EXOC6B: variants seen among roughly 807,000 people sequenced by gnomAD.
EXOC6B encodes exocyst complex component 6B.
EXOC6B carries 54 observed loss-of-function variants against 113.5 expected under a neutral mutation model. The ratio of observed to expected loss-of-function variants is 0.48; its 90% CI spans 0.38 to 0.60. EXOC6B has a LOEUF of 0.60. Among genes scored for constraint, EXOC6B ranks in the 20% least tolerant of loss-of-function variants. EXOC6B has a pLI of 0.00. For synonymous variants in EXOC6B, 357 were observed against 339.0 expected (o/e 1.05, Z -0.58); for missense variants, 797 against 977.5 (o/e 0.82, Z 2.46).
intron 13 of EXOC6B, 52 bp from the exon 14 acceptor site, chr2:72,496,611 G>C: frequency 1.8e-6 from 2 of 1,105,466 alleles, no homozygotes; most frequent in Non-Finnish European, 2.7e-6. Flanking sequence ...AAAGTGGGGG[G>C]GTAGGGGAGG....
intron 1 of EXOC6B, among the ~76,000 whole-genome samples, chr2:72,785,646 G>A (rs1488623153): frequency 6.6e-6 from 1 of 152,238 alleles, no homozygotes; most frequent in Non-Finnish European, 1.5e-5. Context: ...AACCACAACT[G>A]GAGCAGCTGG....
intron 19 of EXOC6B, among the ~76,000 whole-genome samples, chr2:72,359,534 C>T (rs1433028261): frequency 1.3e-5 from 2 of 152,100 alleles, no homozygotes; most frequent in African/African-American, 4.8e-5. Flanking sequence ...ATTACCTAGT[C>T]CCAAGCATTT....
At chr2:72,335,084 C>T (rs1223212693) in intron 19 of EXOC6B, 64 bp from the exon 20 acceptor site, 16 of 1,435,240 alleles carry the variant, frequency 1.1e-5, no homozygotes, top group South Asian at 6.9e-5. Context: ...GATTGGCAGA[C>T]GGATGACAGG....
At chr2:72,211,713 T>C (rs1380568244) in intron 20 of EXOC6B, among the ~76,000 whole-genome samples, 1 of 152,202 alleles carries the variant, frequency 6.6e-6, no homozygotes, top group Non-Finnish European at 1.5e-5. Context: ...ATTTGATATG[T>C]GGTCAGGTAG....
intron 1 of EXOC6B, among the ~76,000 whole-genome samples, chr2:72,797,593 C>A (rs1429042077): frequency 2.0e-5 from 3 of 152,108 alleles, no homozygotes; most frequent in African/African-American, 7.2e-5. Flanking sequence ...GTGGGCAGAT[C>A]ACTTGAGGTT....
At chr2:72,621,667 A>C (rs1671755886) in intron 6 of EXOC6B, among the ~76,000 whole-genome samples, 1 of 152,194 alleles carries the variant, frequency 6.6e-6, no homozygotes, top group Admixed American at 6.5e-5. Context: ...TCCTTTTATA[A>C]AAAGGAGGAC....
chr2:72,204,489 C>T (rs1679701392), intron 20 of EXOC6B, among the ~76,000 whole-genome samples: 2 of 151,820 alleles, frequency 1.3e-5, no homozygotes, highest in South Asian at 4.2e-4. Flanking sequence ...ACAACATATG[C>T]CAAGTTCATT....
intron 16 of EXOC6B, among the ~76,000 whole-genome samples, chr2:72,482,566 A>G (rs1377812453): frequency 6.6e-6 from 1 of 152,184 alleles, no homozygotes; most frequent in Non-Finnish European, 1.5e-5. Context: ...GGTACTACAC[A>G]TGTTTACAAT....
At chr2:72,314,279 ATACTC>A (rs1196285245) in intron 20 of EXOC6B, among the ~76,000 whole-genome samples, 1 of 152,192 alleles carries the variant, frequency 6.6e-6, no homozygotes. Flanking sequence ...ATGTCTCATT[ATACTC>A]TACTCTACTC....
intron 20 of EXOC6B, among the ~76,000 whole-genome samples, chr2:72,268,964 T>C (rs1684311791): frequency 6.6e-6 from 1 of 152,164 alleles, no homozygotes; most frequent in African/African-American, 2.4e-5. Flanking sequence ...TATTTCTTTA[T>C]AGCAATCCAA....
At chr2:72,493,439 T>C (rs1699866767) in intron 15 of EXOC6B, among the ~76,000 whole-genome samples, 1 of 151,358 alleles carries the variant, frequency 6.6e-6, no homozygotes, top group African/African-American at 2.4e-5. Flanking sequence ...TTTGTGCATG[T>C]ATTCACATGC....
At chr2:72,582,914 C>T (rs1037844718) in intron 6 of EXOC6B, among the ~76,000 whole-genome samples, 6 of 152,064 alleles carry the variant, frequency 3.9e-5, no homozygotes, top group Non-Finnish European at 7.4e-5. Context: ...TGCAAAGAAG[C>T]TCAATGACAT....
chr2:72,418,906 G>C (rs1694695864), intron 18 of EXOC6B, among the ~76,000 whole-genome samples: 1 of 151,846 alleles, frequency 6.6e-6, no homozygotes, highest in Non-Finnish European at 1.5e-5. Flanking sequence ...CTGCATTACT[G>C]TCTTTTTTTG....
intron 1 of EXOC6B, among the ~76,000 whole-genome samples, chr2:72,743,668 C>T (rs1279111208): frequency 1.3e-5 from 2 of 152,162 alleles, no homozygotes; most frequent in Non-Finnish European, 1.5e-5. Flanking sequence ...CAGTGCCAGA[C>T]AGGTAGTAGA....
At chr2:72,201,812 T>C (rs1052787558) in intron 20 of EXOC6B, among the ~76,000 whole-genome samples, 2 of 152,212 alleles carry the variant, frequency 1.3e-5, no homozygotes, top group Non-Finnish European at 2.9e-5. Flanking sequence ...ATAGTTATTG[T>C]GTGAGGTTGC....
At chr2:72,395,990 G>T (rs1205376514) in intron 18 of EXOC6B, among the ~76,000 whole-genome samples, 2 of 152,058 alleles carry the variant, frequency 1.3e-5, no homozygotes, top group Admixed American at 6.5e-5. Flanking sequence ...GTCCCAGATA[G>T]AATTAAATAT....
chr2:72,445,960 A>G (rs1277902968), intron 18 of EXOC6B, among the ~76,000 whole-genome samples: 5 of 152,246 alleles, frequency 3.3e-5, no homozygotes, highest in Non-Finnish European at 2.9e-5. Flanking sequence ...CACACCAGTC[A>G]GAATGACTAT....
intron 6 of EXOC6B, among the ~76,000 whole-genome samples, chr2:72,638,365 A>T (rs1315351471): frequency 1.3e-5 from 2 of 152,162 alleles, no homozygotes; most frequent in Non-Finnish European, 2.9e-5. Flanking sequence ...TGTAATAAAA[A>T]GTGTCCTGGA....
intron 20 of EXOC6B, among the ~76,000 whole-genome samples, chr2:72,255,317 G>A (rs1683287327): frequency 6.6e-6 from 1 of 152,182 alleles, no homozygotes; most frequent in Non-Finnish European, 1.5e-5. Flanking sequence ...TTGCTGTTGG[G>A]CTTAACAAAA....
Sources: allele counts gnomAD v4.1 joint callset (sites outside exome capture counted in the v4.1 genomes callset), GRCh38; gene constraint gnomAD v4.1.1; transcripts MANE v1.5; gene names NCBI Gene and HGNC (gene_info 2026-07-23, HGNC 2026-07-21).